GPC5: variants seen among roughly 807,000 people sequenced by gnomAD.
The protein encoded by GPC5 is glypican-5.
Under a neutral mutation model 53.9 loss-of-function variants are expected in GPC5, and 47 were observed. The ratio of observed to expected loss-of-function variants is 0.87; its 90% confidence interval spans 0.69 to 1.11. The LOEUF (loss-of-function observed/expected upper bound fraction) is 1.11. GPC5 is among the 50% of genes most tolerant of loss of function. The probability of loss-of-function intolerance (pLI) is 0.00; values close to 1 mark genes in which losing one functional copy is unlikely to be tolerated. For synonymous variants in GPC5, 286 were observed against 263.3 expected, an observed-to-expected ratio of 1.09 and a Z score of -0.84; for missense variants, 748 against 713.1, an observed-to-expected ratio of 1.05 and a Z score of -0.56.
intron 6 of GPC5, among the ~76,000 whole-genome samples, chr13:92,073,579 A>T (rs4415894): frequency 6.6e-6 from 1 of 152,162 alleles, no homozygotes; most frequent in African/African-American, 2.4e-5. Context: ...CTGCTGCAGG[A>T]TGATGACTTT....
chr13:92,860,266 A>C (rs940866169), intron 7 of GPC5, among the ~76,000 whole-genome samples: 1 of 152,302 alleles, frequency 6.6e-6, no homozygotes, highest in South Asian at 2.1e-4. Context: ...TTTCACAAGG[A>C]ATAGAAAAGG....
intron 7 of GPC5, among the ~76,000 whole-genome samples, chr13:92,844,064 C>T (rs1448401579): frequency 6.6e-6 from 1 of 151,664 alleles, no homozygotes; most frequent in Non-Finnish European, 1.5e-5. Flanking sequence ...AATTAGGAAA[C>T]AGAGGGTGCC....
chr13:91,568,553 C>T, intron 2 of GPC5, among the ~76,000 whole-genome samples: 3 of 138,976 alleles, frequency 2.2e-5, no homozygotes, highest in Non-Finnish European at 3.1e-5. Flanking sequence ...AAAAGTAGAG[C>T]TTTTATTGAA....
At chr13:92,760,828 T>C (rs1344338340) in intron 7 of GPC5, among the ~76,000 whole-genome samples, 3 of 152,126 alleles carry the variant, frequency 2.0e-5, no homozygotes, top group Admixed American at 6.5e-5. Context: ...CTGTATCCCA[T>C]AGGTTTTGAT....
At chr13:91,975,462 A>G (rs1184655103) in intron 6 of GPC5, among the ~76,000 whole-genome samples, 1 of 152,244 alleles carries the variant, frequency 6.6e-6, no homozygotes, top group Non-Finnish European at 1.5e-5. Context: ...TGGGCAAAGG[A>G]TATGAACAGA....
At chr13:92,698,577 C>T (rs548665919) in intron 7 of GPC5, among the ~76,000 whole-genome samples, 9 of 152,144 alleles carry the variant, frequency 5.9e-5, no homozygotes, top group South Asian at 2.1e-4. Flanking sequence ...TTTGAACATT[C>T]GGGTTGGTTC....
intron 7 of GPC5, among the ~76,000 whole-genome samples, chr13:92,400,051 C>T (rs1875486986): frequency 6.6e-6 from 1 of 152,154 alleles, no homozygotes; most frequent in Non-Finnish European, 1.5e-5. Flanking sequence ...GTGGGAGATG[C>T]CATGGCTTGC....
At chr13:91,765,135 A>T (rs1020478129) in intron 5 of GPC5, among the ~76,000 whole-genome samples, 10 of 152,206 alleles carry the variant, frequency 6.6e-5, no homozygotes, top group African/African-American at 2.4e-4. Context: ...TAGACAGCCA[A>T]CTTCTGCTAC....
At chr13:91,774,727 C>CT (rs2037682232) in intron 5 of GPC5, among the ~76,000 whole-genome samples, 1 of 152,176 alleles carries the variant, frequency 6.6e-6, no homozygotes, top group African/African-American at 2.4e-5. Flanking sequence ...CAATCAATGA[C>CT]TGAGGTTCAG....
intron 7 of GPC5, among the ~76,000 whole-genome samples, chr13:92,395,441 C>T: frequency 6.6e-6 from 1 of 152,016 alleles, no homozygotes; most frequent in East Asian, 1.9e-4. Flanking sequence ...TTTCCTTATC[C>T]CTATGCTATA....
intron 7 of GPC5, among the ~76,000 whole-genome samples, chr13:92,156,311 T>C (rs1354324150): frequency 6.6e-6 from 1 of 152,212 alleles, no homozygotes; most frequent in East Asian, 1.9e-4. Flanking sequence ...AGAGACTTTA[T>C]TTCCTTTAGC....
chr13:92,174,604 T>A (rs1378414890), intron 7 of GPC5, among the ~76,000 whole-genome samples: 1 of 151,990 alleles, frequency 6.6e-6, no homozygotes, highest in Non-Finnish European at 1.5e-5. Flanking sequence ...CATTACTTCA[T>A]TCATACATTT....
At chr13:92,097,866 G>A (rs1489676024) in intron 6 of GPC5, among the ~76,000 whole-genome samples, 1 of 152,176 alleles carries the variant, frequency 6.6e-6, no homozygotes, top group African/African-American at 2.4e-5. Flanking sequence ...AGAGGGACTA[G>A]ACTTAAACCC....
chr13:91,914,531 A>G (rs2039639902), intron 6 of GPC5, among the ~76,000 whole-genome samples: 1 of 152,064 alleles, frequency 6.6e-6, no homozygotes, highest in South Asian at 2.1e-4. Flanking sequence ...AAATCCACAA[A>G]AGAAGTAGAT....
At chr13:92,208,455 A>G (rs2042352848) in intron 7 of GPC5, among the ~76,000 whole-genome samples, 1 of 152,240 alleles carries the variant, frequency 6.6e-6, no homozygotes, top group Non-Finnish European at 1.5e-5. Context: ...GCTTTTCAGC[A>G]AAGGTCTTCC....
chr13:91,420,505 C>A (rs892813798), intron 1 of GPC5, among the ~76,000 whole-genome samples: 2 of 152,190 alleles, frequency 1.3e-5, no homozygotes. Context: ...TCAGAGCCAG[C>A]AGCTTAACTA....
At chr13:91,972,047 T>C (rs1227555227) in intron 6 of GPC5, among the ~76,000 whole-genome samples, 1 of 152,218 alleles carries the variant, frequency 6.6e-6, no homozygotes, top group Non-Finnish European at 1.5e-5. Flanking sequence ...CGTTGATCTG[T>C]CTAATGTTGA....
chr13:91,490,799 T>C (rs560084260), intron 2 of GPC5, among the ~76,000 whole-genome samples: 9 of 152,322 alleles, frequency 5.9e-5, no homozygotes, highest in Middle Eastern at 3.4e-3. Context: ...TCTTTGCTGC[T>C]TCTTCTTGTT....
At position 91,682,624 on chromosome 13, in the gene GPC5, C is replaced by T. The variant is rs555264863; in HGVS notation, c.326-10563C>T. On this transcript the variant is annotated intron_variant, in intron 2 of 7. Coordinates refer to ENST00000377067, the MANE Select transcript of GPC5 (RefSeq NM_004466.6). Reference sequence around the variant, plus strand: ...AGATAGAAAGATGAACAGGAGGACTCGATTCCTGCCTCAACAGATTCATGA... The same window carrying T: ...AGATAGAAAGATGAACAGGAGGACTTGATTCCTGCCTCAACAGATTCATGA... Among the ~76,000 whole-genome samples, 9 of 152,236 alleles carry T rather than the reference C, an allele frequency of 5.9e-5. No homozygotes were observed. In the East Asian group the frequency reaches 1.2e-3, roughly 20 times the overall value.
Sources: allele counts gnomAD v4.1 joint callset (sites outside exome capture counted in the v4.1 genomes callset), GRCh38; gene constraint gnomAD v4.1.1; transcripts MANE v1.5; gene names NCBI Gene and HGNC (gene_info 2026-07-23, HGNC 2026-07-21).